The following ACSL6 variants were observed in gnomAD, a reference collection of about 807,000 sequenced individuals.
ACSL6 encodes the protein acyl-CoA synthetase long chain family member 6.
ACSL6 carries 47 observed loss-of-function variants against 98.2 expected under a neutral mutation model. The ratio of observed to expected loss-of-function variants is 0.48; its 90% CI spans 0.38 to 0.61. The LOEUF is 0.61. ACSL6 is among the 20% of genes least tolerant of loss of function. The probability of loss-of-function intolerance (pLI) is 0.00; values close to 1 mark genes in which losing one functional copy is unlikely to be tolerated. For synonymous variants in ACSL6, 362 were observed against 336.9 expected, an observed-to-expected ratio of 1.07 and a Z score of -0.82; for missense variants, 761 against 913.4, an observed-to-expected ratio of 0.83 and a Z score of 2.15.
At position 131,990,177 on chromosome 5, in the gene ACSL6, A is replaced by G; in HGVS notation, c.386-13T>C. ...CAGGGCCCATTCCCTGTAGAGAGAT[A>G]AGAAAGCCTTGTGTCAGAGAGGGGT... On this transcript the variant is annotated splice_polypyrimidine_tract_variant and intron_variant, in intron 3 of 20. Coordinates refer to ENST00000651883, the MANE Select transcript of ACSL6 (RefSeq NM_001009185.3). The G allele has an allele frequency of 6.2e-7, 1 of 1,613,794 alleles. No individual in the cohort carries two copies. Among genetic ancestry groups the G allele is most frequent in the Non-Finnish European group, 8.5e-7 (1 of 1,179,850 alleles).
intron 20 of ACSL6, among the ~76,000 whole-genome samples, chr5:131,958,079 T>C (rs1038018493): frequency 6.6e-6 from 1 of 152,224 alleles, no homozygotes; most frequent in South Asian, 2.1e-4. Context: ...ACCAGAGCAA[T>C]GGTTAACACT....
rs1461593267 is a variant in ACSL6, at chr5:132,011,368, G to A, written c.49+137C>T. On this transcript the variant is annotated intron_variant, in intron 1 of 20. Transcript: ENST00000651883. This position sits in a 1 kb window ranked among gnomAD's most constrained non-coding sequence, Gnocchi z 5.4. The stretch of plus-strand genomic sequence containing the variant: ...GCGGAGGGTGTACTTAGGCGGCCCT[G>A]GGGACCTTGACGGGACAGCTCAGCA... The A allele has an allele frequency of 2.1e-6, 2 of 960,068 alleles. No homozygotes were observed. The highest frequency in any genetic ancestry group is 5.8e-5 in the East Asian group (2 of 34,700). The allele number at this position is 960,068 out of a possible 1,614,324, so 59.5% of individuals were successfully genotyped here. A position where few individuals can be genotyped will look rare whatever the true frequency, so the allele number is the denominator to read the frequency against.
At position 131,994,261 on chromosome 5, in the gene ACSL6, A is replaced by G; in HGVS notation, c.50-10T>C. On this transcript the variant is annotated splice_polypyrimidine_tract_variant and intron_variant, in intron 1 of 20. Coordinates refer to ENST00000651883, the MANE Select transcript of ACSL6 (RefSeq NM_001009185.3). The stretch of plus-strand genomic sequence containing the variant: ...AGTGAGAGGACAAACTCTGTTGAAA[A>G]CAAGAGTCAGATAAGGCAAGAGACC... The G allele has an allele frequency of 6.3e-7, 1 of 1,599,830 alleles. No homozygotes were observed. Among genetic ancestry groups the G allele is most frequent in the Non-Finnish European group, 8.5e-7 (1 of 1,172,744 alleles).
intron 10 of ACSL6, 96 bp from the exon 11 acceptor site, chr5:131,975,066 G>A (rs1397765022): frequency 1.4e-5 from 21 of 1,487,512 alleles, no homozygotes; most frequent in Non-Finnish European, 1.9e-5. Context: ...TGGTCCTGGA[G>A]GGTAAACAGG....
At chr5:131,970,584 T>G (rs1753253367) in intron 14 of ACSL6, among the ~76,000 whole-genome samples, 1 of 152,012 alleles carries the variant, frequency 6.6e-6, no homozygotes, top group African/African-American at 2.4e-5. Flanking sequence ...TAATTTTTTG[T>G]ATTATTAGTA....
intron 16 of ACSL6, 47 bp downstream of exon 16, chr5:131,967,893 C>T (rs745922211): frequency 6.5e-7 from 1 of 1,539,568 alleles, no homozygotes; most frequent in South Asian, 1.1e-5. Flanking sequence ...TGTTTTTACT[C>T]ACTACATGTA....
At position 131,968,244 on chromosome 5, in the gene ACSL6, C is replaced by T. The variant is rs561180740; in HGVS notation, c.1508-216G>A. The T allele has an allele frequency of 3.9e-5, 20 of 511,732 alleles. No individual in the cohort carries two copies. In the East Asian group the frequency reaches 6.5e-4, roughly 17 times the overall value. 31.7% of individuals were successfully genotyped at this position (511,732 alleles called of 1,614,324 possible). On this transcript the variant is annotated intron_variant, in intron 15 of 20. Transcript: ENST00000651883. ...AATCTCTGCCTGGGCATTTGTTTTA[C>T]ATCCGATTCTTAATAAGCAGGACAG... is the stretch of plus-strand genomic sequence containing the variant.
At chr5:131,988,783 G>A (rs1241714519) in intron 6 of ACSL6, 22 bp downstream of exon 6, 2 of 1,610,564 alleles carry the variant, frequency 1.2e-6, no homozygotes, top group Non-Finnish European at 1.7e-6. Context: ...CCAGTGGCAG[G>A]GTGGGGTGGC....
intron 1 of ACSL6, among the ~76,000 whole-genome samples, chr5:132,001,364 G>C (rs79218372): frequency 0.01 from 1,541 of 152,248 alleles, 24 homozygotes; most frequent in African/African-American, 0.036. Context: ...CCCAACACCT[G>C]CCCTCTCCAC....
In ACSL6 at chr5:131,954,101, G is replaced by T; in HGVS notation, c.*133C>A. 1.2e-6 allele frequency: 1 copy of T among 858,178 alleles called. No individual in the cohort carries two copies. Among genetic ancestry groups the T allele is most frequent in the Non-Finnish European group, 1.6e-6 (1 of 614,598 alleles). 53.2% of individuals were successfully genotyped at this position (858,178 alleles called of 1,614,324 possible). On this transcript the variant is annotated 3_prime_UTR_variant, in exon 21 of 21. Coordinates refer to ENST00000651883, the MANE Select transcript of ACSL6 (RefSeq NM_001009185.3). ...AGAAAATATTGTTAAAGACCTCTTG[G>T]GACAGGAAAAGGCTCAGTCATAAAA...
chr5:131,967,808 G>A, intron 16 of ACSL6, 132 bp downstream of exon 16: 1 of 737,850 alleles, frequency 1.4e-6, no homozygotes, highest in Non-Finnish European at 2.2e-6. Context: ...GAGTTGAGCT[G>A]AGTCAAATTA....
intron 3 of ACSL6, among the ~76,000 whole-genome samples, chr5:131,990,457 T>A (rs1754443932): frequency 6.6e-6 from 1 of 152,190 alleles, no homozygotes; most frequent in Non-Finnish European, 1.5e-5. Flanking sequence ...ACCCAAAGGA[T>A]ACAGACACCT....
chr5:131,983,770 C>T (rs554386418), intron 9 of ACSL6: 2 of 152,410 alleles, frequency 1.3e-5, no homozygotes, highest in South Asian at 2.1e-4. Flanking sequence ...ATGTTTCAAG[C>T]CCTATACATT....
At chr5:131,989,649 G>GCAATGGCA (rs1754401950) in intron 4 of ACSL6, 141 bp from the exon 5 acceptor site, 2 of 615,746 alleles carry the variant, frequency 3.2e-6, no homozygotes, top group Non-Finnish European at 2.6e-6. Flanking sequence ...AGGCTGGAGT[G>GCAATGGCA]CAATGGCACA....
Position 131,970,120 on chromosome 5 carries a change from C to T in ACSL6, c.1507+8G>A, listed in dbSNP as rs1217222311. The T allele has an allele frequency of 1.2e-6, 2 of 1,613,912 alleles. No individual in the cohort carries two copies. The highest frequency in any genetic ancestry group is 4.5e-5 in the East Asian group (2 of 44,896). Reference sequence around the variant, plus strand: ...GCGAGCCAGTCCTATATCTCTAGCCCATCCTACCTGAGGTCCAGTCGCCAG... The same window carrying T: ...GCGAGCCAGTCCTATATCTCTAGCCTATCCTACCTGAGGTCCAGTCGCCAG... On this transcript the variant is annotated splice_region_variant and intron_variant, in intron 15 of 20. Coordinates refer to ENST00000651883, the MANE Select transcript of ACSL6 (RefSeq NM_001009185.3).
At chr5:131,975,955 T>A in intron 10 of ACSL6, 1 of 985,448 alleles carries the variant, frequency 1.0e-6, no homozygotes, top group Non-Finnish European at 1.2e-6. Flanking sequence ...CTACTAAGTG[T>A]TTGGGGCACA....
At chr5:132,004,229 T>A (rs1488191347) in intron 1 of ACSL6, among the ~76,000 whole-genome samples, 5 of 151,790 alleles carry the variant, frequency 3.3e-5, no homozygotes, top group Non-Finnish European at 7.4e-5. Context: ...CTTTTTTTTT[T>A]TTTTTGGCTG....
Position 132,011,214 on chromosome 5 carries a change from G to A in ACSL6, c.49+291C>T, listed in dbSNP as rs896546816. ...CTAATCTGATCCGCGGATGGTCCTT[G>A]CCATCAGGGAAGGGGGACGCAAGAA... On this transcript the variant is annotated intron_variant, in intron 1 of 20. Coordinates refer to ENST00000651883, the MANE Select transcript of ACSL6 (RefSeq NM_001009185.3). This position sits in a 1 kb window ranked among gnomAD's most constrained non-coding sequence, Gnocchi z 5.4. Among the ~76,000 whole-genome samples, 2 of 152,188 alleles carry A rather than the reference G, an allele frequency of 1.3e-5. No individual in the cohort carries two copies. Among genetic ancestry groups the A allele is most frequent in the African/African-American group, 4.8e-5 (2 of 41,448 alleles).
At position 131,974,896 on chromosome 5, in the gene ACSL6, G is replaced by T. The variant is rs751930851; in HGVS notation, c.1065C>A (p.Ile355=). ...LPLAHMFERV[I]QSVVYCHGGR... ...GTCAGTCAGGTGGGTGTCTTACCTG[G>T]ATTACTCTCTCAAACATGTGAGCCA... Residue 355 remains isoleucine (I), a synonymous_variant, in exon 11 of 21, where the codon ATC becomes ATA. Coordinates refer to ENST00000651883, the MANE Select transcript of ACSL6 (RefSeq NM_001009185.3). 4.3e-6 allele frequency: 7 copies of T among 1,614,060 alleles called. No homozygotes were observed. Among genetic ancestry groups the T allele is most frequent in the Non-Finnish European group, 5.1e-6 (6 of 1,180,042 alleles).
Sources: allele counts gnomAD v4.1 joint callset (sites outside exome capture counted in the v4.1 genomes callset), GRCh38; gene constraint gnomAD v4.1.1; non-coding constraint Gnocchi (gnomAD v3.1); transcripts MANE v1.5; gene names NCBI Gene and HGNC (gene_info 2026-07-23, HGNC 2026-07-21).